Variants in AOAH observed in about 807,000 individuals in gnomAD.
The protein encoded by AOAH is acyloxyacyl hydrolase (neutrophil).
In AOAH, 64 loss-of-function variants were observed where a neutral mutation model predicts 92.2. The ratio of observed to expected loss-of-function variants is 0.69; its 90% CI spans 0.57 to 0.86. The LOEUF (loss-of-function observed/expected upper bound fraction) is 0.86, where lower values mean the gene tolerates loss of function less well. AOAH is among the 40% of genes least tolerant of loss of function. AOAH has a pLI of 0.00. For synonymous variants in AOAH, 263 were observed against 254.5 expected (o/e 1.03, Z -0.32); for missense variants, 656 against 694.6 (o/e 0.94, Z 0.62).
chr7:36,612,756 C>T (rs1791553135), intron 11 of AOAH, among the ~76,000 whole-genome samples: 1 of 152,090 alleles, frequency 6.6e-6, no homozygotes, highest in Non-Finnish European at 1.5e-5. Flanking sequence ...TCACTTTTAA[C>T]CTTTGTTTGT....
chr7:36,624,331 G>C (rs891392331), intron 6 of AOAH, among the ~76,000 whole-genome samples: 1 of 152,162 alleles, frequency 6.6e-6, no homozygotes, highest in Admixed American at 6.6e-5. Flanking sequence ...TCACTAAATG[G>C]TCTTTTGAAT....
intron 12 of AOAH, among the ~76,000 whole-genome samples, chr7:36,584,536 C>T (rs1789169245): frequency 6.6e-6 from 1 of 152,138 alleles, no homozygotes; most frequent in Non-Finnish European, 1.5e-5. Flanking sequence ...TTCCACTTGG[C>T]TACTGAATTG....
intron 4 of AOAH, among the ~76,000 whole-genome samples, chr7:36,657,775 T>A (rs896433604): frequency 4.2e-4 from 64 of 152,022 alleles, no homozygotes; most frequent in African/African-American, 1.5e-3. Context: ...GAGAAGGGGG[T>A]CAGGGTAGGA....
At chr7:36,557,180 G>C (rs1322590705) in intron 13 of AOAH, among the ~76,000 whole-genome samples, 1 of 151,848 alleles carries the variant, frequency 6.6e-6, no homozygotes, top group African/African-American at 2.4e-5. Context: ...GGCAGGCCTG[G>C]TGGTGACAAA....
At chr7:36,603,943 A>G (rs888793112) in intron 11 of AOAH, among the ~76,000 whole-genome samples, 1 of 152,228 alleles carries the variant, frequency 6.6e-6, no homozygotes, top group African/African-American at 2.4e-5. Flanking sequence ...ATAGCAAGAT[A>G]CCTTATAGTG....
At chr7:36,630,448 G>T (rs1459866783) in intron 6 of AOAH, among the ~76,000 whole-genome samples, 4 of 152,176 alleles carry the variant, frequency 2.6e-5, no homozygotes, top group African/African-American at 9.7e-5. Context: ...CACGGCTAAA[G>T]AACATTATTC....
At chr7:36,542,615 C>A (rs547546053) in intron 15 of AOAH, among the ~76,000 whole-genome samples, 1 of 152,170 alleles carries the variant, frequency 6.6e-6, no homozygotes, top group South Asian at 2.1e-4. Flanking sequence ...GCTGGCTTAA[C>A]TTTTGACCTT....
chr7:36,555,050 C>A (rs1786594193), intron 13 of AOAH, among the ~76,000 whole-genome samples: 1 of 145,142 alleles, frequency 6.9e-6, no homozygotes, highest in Admixed American at 6.9e-5. Context: ...AGAGGGCATC[C>A]CTGTCTTGTG....
intron 6 of AOAH, among the ~76,000 whole-genome samples, chr7:36,624,374 G>T (rs1792485695): frequency 6.6e-6 from 1 of 152,130 alleles, no homozygotes; most frequent in Admixed American, 6.5e-5. Context: ...AGAACCTCAA[G>T]GCAAATAAAT....
At position 36,552,011 on chromosome 7, in the gene AOAH, C is replaced by A. The variant is rs534328834; in HGVS notation, c.1022-2536G>T. 4.6e-5 allele frequency among the ~76,000 whole-genome samples: 7 copies of A among 152,246 alleles called. No homozygotes were observed. The East Asian group carries it at 1.4e-3, about 29-fold the overall frequency. On this transcript the variant is annotated intron_variant, in intron 13 of 20. Coordinates refer to ENST00000617537, the MANE Select transcript of AOAH (RefSeq NM_001637.4). Reference sequence around the variant, plus strand: ...TTGGGGGACAATTGATCCCATCACCCAGGTACTGAGCATAGCAGACCCAAT... The same window carrying A: ...TTGGGGGACAATTGATCCCATCACCAAGGTACTGAGCATAGCAGACCCAAT...
At chr7:36,549,266 C>T (rs1786019866) in intron 14 of AOAH, among the ~76,000 whole-genome samples, 173 bp downstream of exon 14, 2 of 152,168 alleles carry the variant, frequency 1.3e-5, no homozygotes, top group Admixed American at 1.3e-4. Flanking sequence ...AGGACATATG[C>T]AAATTAATCA....
chr7:36,669,628 C>A (rs1795789565), intron 3 of AOAH, among the ~76,000 whole-genome samples: 1 of 152,080 alleles, frequency 6.6e-6, no homozygotes. Flanking sequence ...AGTGATCCAC[C>A]CGCCTCAGCC....
At chr7:36,568,944 GAGGTTCCAGACCAA>G (rs1277438680) in intron 13 of AOAH, among the ~76,000 whole-genome samples, 5 of 152,218 alleles carry the variant, frequency 3.3e-5, no homozygotes, top group African/African-American at 9.7e-5. Flanking sequence ...GGCAGCCTAT[GAGGTTCCAGACCAA>G]AGGTGGTCTG....
intron 4 of AOAH, among the ~76,000 whole-genome samples, chr7:36,653,071 T>C (rs953568108): frequency 1.3e-5 from 2 of 152,240 alleles, no homozygotes; most frequent in African/African-American, 4.8e-5. Context: ...TCTTGCAGTA[T>C]CCTCACAACT....
intron 3 of AOAH, among the ~76,000 whole-genome samples, chr7:36,673,469 G>A (rs1796052624): frequency 2.0e-5 from 3 of 151,868 alleles, no homozygotes; most frequent in Non-Finnish European, 2.9e-5. Flanking sequence ...CCTGGGAGGT[G>A]GAGGTTGCAG....
chr7:36,548,591 T>C, intron 15 of AOAH, 21 bp downstream of exon 15: 1 of 1,605,598 alleles, frequency 6.2e-7, no homozygotes, highest in Non-Finnish European at 8.5e-7. Context: ...ATCTTGAAAA[T>C]ACTTTTTCTC....
At chr7:36,570,902 CT>C (rs1414275418) in intron 13 of AOAH, among the ~76,000 whole-genome samples, 1 of 152,180 alleles carries the variant, frequency 6.6e-6, no homozygotes, top group African/African-American at 2.4e-5. Context: ...GTACAAGTCC[CT>C]GCTATGCGAA....
chr7:36,565,536 C>CT (rs200870748), intron 13 of AOAH, among the ~76,000 whole-genome samples: 12,691 of 144,008 alleles, frequency 0.088, 575 homozygotes, highest in East Asian at 0.15. Context: ...GTAAACATCT[C>CT]TTTTTTTTTT....
At chr7:36,586,144 GA>G (rs1789307430) in intron 12 of AOAH, among the ~76,000 whole-genome samples, 1 of 151,928 alleles carries the variant, frequency 6.6e-6, no homozygotes, top group African/African-American at 2.4e-5. Flanking sequence ...CTGCCTTTTA[GA>G]TCATCCTATC....
Sources: allele counts gnomAD v4.1 joint callset (sites outside exome capture counted in the v4.1 genomes callset), GRCh38; gene constraint gnomAD v4.1.1; transcripts MANE v1.5; gene names NCBI Gene and HGNC (gene_info 2026-07-23, HGNC 2026-07-21).